The following TMEM52B variants were observed in gnomAD, a reference collection of about 807,000 sequenced individuals.
TMEM52B encodes transmembrane protein 52B, also known as chromosome 12 open reading frame 59.
TMEM52B carries 11 observed loss-of-function variants against 16.1 expected under a neutral mutation model. The observed-to-expected ratio is 0.68, with a 90% CI of 0.43 to 1.13. TMEM52B has a LOEUF of 1.13. Ranked by LOEUF, TMEM52B falls within the 50% of genes most tolerant of loss-of-function variation. TMEM52B has a pLI of 0.00. For synonymous variants in TMEM52B, 101 were observed against 93.8 expected (o/e 1.08, Z -0.45); for missense variants, 243 against 230.4 (o/e 1.05, Z -0.35).
intron 2 of TMEM52B, among the ~76,000 whole-genome samples, chr12:10,183,547 A>C (rs778609057): frequency 7.9e-5 from 12 of 152,240 alleles, no homozygotes; most frequent in Non-Finnish European, 1.8e-4. Flanking sequence ...TTCCTGTATC[A>C]GAAAGAATTA....
Position 10,186,589 on chromosome 12 carries a change from T to G in TMEM52B, c.307T>G (p.Ser103Ala). 2 of 1,572,828 alleles carry G rather than the reference T, an allele frequency of 1.3e-6. No individual in the cohort carries two copies. The highest frequency in any genetic ancestry group is 2.3e-5 in the South Asian group (2 of 86,402). The change falls in exon 4 of 5, where the codon TCT becomes GCT. Residue 103 changes from serine to alanine, a missense_variant and splice_region_variant. By Grantham distance (99) the Ser-to-Ala change is moderately conservative. Coordinates refer to ENST00000543484, the MANE Select transcript of TMEM52B (RefSeq NM_001384896.1). ...CAGCACTCTCCAGAGCACTATCACA[T>G]GTGAGTACACTGAACTTTTAACCTG... ...HDSTLQSTIT[S>A]LQSVFGPAAR...
At position 10,190,338 on chromosome 12, in the gene TMEM52B, T is replaced by G; in HGVS notation, c.*198T>G. 1.5e-6 allele frequency: 1 copy of G among 683,604 alleles called. No homozygotes were observed. The highest frequency in any genetic ancestry group is 2.0e-5 in the South Asian group (1 of 50,544). 42.3% of individuals were successfully genotyped at this position (683,604 alleles called of 1,614,324 possible). ...ATGCTCTAATTGGGAACTCTAATTT[T>G]GTATCCAATGGCCAAAATCTGCAAG... is the stretch of plus-strand genomic sequence containing the variant. On this transcript the variant is annotated 3_prime_UTR_variant, in exon 5 of 5. Coordinates refer to ENST00000543484, the MANE Select transcript of TMEM52B (RefSeq NM_001384896.1).
At position 10,190,948 on chromosome 12, in the gene TMEM52B, G is replaced by A. The variant is rs558891089; in HGVS notation, c.*808G>A. 59 of 152,312 alleles carry A rather than the reference G, an allele frequency of 3.9e-4. No individual in the cohort carries two copies. Among genetic ancestry groups the A allele is most frequent in the African/African-American group, 1.4e-3 (57 of 41,542 alleles). The allele number at this position is 152,312 out of a possible 1,614,324, so 9.4% of individuals were successfully genotyped here. On this transcript the variant is annotated 3_prime_UTR_variant, in exon 5 of 5. Transcript: ENST00000543484. ...CCACAACACCTCTATAGTGACACAC[G>A]CTAGTCTCTAGTGGTGGCCCTCACT... is the stretch of plus-strand genomic sequence containing the variant.
In TMEM52B at chr12:10,191,578, G is replaced by A. The variant is rs895202729; in HGVS notation, c.*1438G>A. 1 of 152,036 alleles carries A rather than the reference G, an allele frequency of 6.6e-6. No individual in the cohort carries two copies. The highest frequency in any genetic ancestry group is 2.4e-5 in the African/African-American group (1 of 41,394). The allele number at this position is 152,036 out of a possible 1,614,324, so 9.4% of individuals were successfully genotyped here. On this transcript the variant is annotated 3_prime_UTR_variant, in exon 5 of 5. Transcript: ENST00000543484. ...ATGGGAAATAATAACACCTCAGAAG[G>A]TTTTTGTGAAGATCAAAGAAGCTAA...
intron 4 of TMEM52B, among the ~76,000 whole-genome samples, chr12:10,188,395 G>T (rs1057272322): frequency 7.3e-5 from 11 of 151,416 alleles, no homozygotes; most frequent in Non-Finnish European, 1.2e-4. Flanking sequence ...GGAGGCGGAG[G>T]TTTCAGTGAG....
intron 4 of TMEM52B, among the ~76,000 whole-genome samples, chr12:10,189,307 G>T (rs1948927627): frequency 6.6e-6 from 1 of 151,846 alleles, no homozygotes; most frequent in Non-Finnish European, 1.5e-5. Flanking sequence ...AAGGGGAAAG[G>T]GCAGGGTTGA....
rs759180769 is a variant in TMEM52B at position 10,182,648 on chromosome 12, C to T, written c.98+55C>T. 20 of 1,495,666 alleles carry T rather than the reference C, an allele frequency of 1.3e-5. No homozygotes were observed. The South Asian group carries it at 2.5e-4, about 19-fold the overall frequency. The allele number at this position is 1,495,666 out of a possible 1,614,324, so 92.6% of individuals were successfully genotyped here. On this transcript the variant is annotated intron_variant, in intron 2 of 4. Transcript: ENST00000543484. ...GAGCAACAGACCAAAACATCACTAC[C>T]CCAAAAGAGAGTCAAGATGTCATTA...
Position 10,190,021 on chromosome 12 carries a change from A to T in TMEM52B, c.433A>T (p.Ser145Cys), listed in dbSNP as rs1448228998. 1 of 1,614,036 alleles carries T rather than the reference A, an allele frequency of 6.2e-7. No homozygotes were observed. The highest frequency in any genetic ancestry group is 1.3e-5 in the African/African-American group (1 of 74,908). ...LPGYEEALHM[S>C]RFTVAMCGQK... ...AGGGTATGAAGAAGCTCTTCACATG[A>T]GTCGCTTCACAGTAGCCATGTGCGG... Residue 145 changes from serine to cysteine, a missense_variant, in exon 5 of 5, where the codon AGT (serine) becomes TGT (cysteine). Coordinates refer to ENST00000543484, the MANE Select transcript of TMEM52B (RefSeq NM_001384896.1).
chr12:10,180,420 A>G (rs1178086391), intron 1 of TMEM52B, among the ~76,000 whole-genome samples: 1 of 152,032 alleles, frequency 6.6e-6, no homozygotes, highest in Non-Finnish European at 1.5e-5. Flanking sequence ...AACAAGCCTG[A>G]AAAGTAGCAT....
chr12:10,178,551 G>A (rs1463626592), upstream of TMEM52B, among the ~76,000 whole-genome samples: 1 of 149,814 alleles, frequency 6.7e-6, no homozygotes, highest in Non-Finnish European at 1.5e-5. Flanking sequence ...AGTATTCTAT[G>A]CTTTTGCATG....
At chr12:10,180,600 A>G (rs1000690907) in intron 1 of TMEM52B, among the ~76,000 whole-genome samples, 1 of 152,076 alleles carries the variant, frequency 6.6e-6, no homozygotes, top group East Asian at 1.9e-4. Flanking sequence ...CTGGCCATTA[A>G]TCCTTTTACA....
chr12:10,173,978 C>T (rs182309173), intron 1 of TMEM52B, among the ~76,000 whole-genome samples: 197 of 152,272 alleles, frequency 1.3e-3, no homozygotes, highest in Middle Eastern at 6.8e-3. Context: ...ATCTCCAGAA[C>T]TTTTCATCTT....
intron 1 of TMEM52B, 165 bp from the exon 2 acceptor site, chr12:10,182,385 A>G: frequency 1.0e-6 from 1 of 985,430 alleles, no homozygotes; most frequent in Non-Finnish European, 1.2e-6. Context: ...AAAAGCCAGC[A>G]AGTATGGGAG....
chr12:10,182,977 A>C (rs12313003), intron 2 of TMEM52B, among the ~76,000 whole-genome samples: 52,132 of 151,988 alleles, frequency 0.34, 10,065 homozygotes, highest in Middle Eastern at 0.48. Flanking sequence ...TATTACTTTA[A>C]ATTGGGAAAG....
At chr12:10,176,428 C>T (rs139928129), upstream of TMEM52B, among the ~76,000 whole-genome samples, 4 of 152,066 alleles carry the variant, frequency 2.6e-5, no homozygotes, top group African/African-American at 7.2e-5. Flanking sequence ...ATGGCAATTA[C>T]GTGTTAGAAA....
At position 10,190,063 on chromosome 12, in the gene TMEM52B, C is replaced by A; in HGVS notation, c.475C>A (p.Leu159Ile). Reference protein sequence around the residue: ...VAMCGQKAPDLPPVPEEKQLP... With the variant: ...VAMCGQKAPDIPPVPEEKQLP... ...CATGTGCGGGCAGAAAGCACCTGATCTACCCCCAGTACCTGAAGAAAAGCA... is the reference window on the plus strand; with the variant it reads ...CATGTGCGGGCAGAAAGCACCTGATATACCCCCAGTACCTGAAGAAAAGCA... The change falls in exon 5 of 5, where the codon CTA becomes ATA. Residue 159 changes from leucine to isoleucine, a missense_variant. Transcript: ENST00000543484. 6.2e-7 allele frequency: 1 copy of A among 1,614,172 alleles called. No individual in the cohort carries two copies. Among genetic ancestry groups the A allele is most frequent in the Non-Finnish European group, 8.5e-7 (1 of 1,180,030 alleles).
At chr12:10,185,809 G>A (rs1286734876) in intron 3 of TMEM52B, among the ~76,000 whole-genome samples, 1 of 152,126 alleles carries the variant, frequency 6.6e-6, no homozygotes, top group Admixed American at 6.6e-5. Context: ...TTGGGAGGCC[G>A]AGACAGTGGA....
Position 10,191,560 on chromosome 12 carries a change from AT to A in TMEM52B, c.*1421del. On this transcript the variant is annotated 3_prime_UTR_variant, in exon 5 of 5. Transcript: ENST00000543484. ...CCGTTTTTTCCCTAAAAAATGGGAAATAATAACACCTCAGAAGGTTTTTGTG... is the reference window on the plus strand; with the variant it reads ...CCGTTTTTTCCCTAAAAAATGGGAAAAATAACACCTCAGAAGGTTTTTGTG... 1 of 152,210 alleles carries A rather than the reference AT, an allele frequency of 6.6e-6. No homozygotes were observed. The highest frequency in any genetic ancestry group is 1.5e-5 in the Non-Finnish European group (1 of 68,044). The allele number at this position is 152,210 out of a possible 1,614,324, so 9.4% of individuals were successfully genotyped here. A position where few individuals can be genotyped will look rare whatever the true frequency, so the allele number is the denominator to read the frequency against.
chr12:10,176,362 C>T (rs1948765516), upstream of TMEM52B, among the ~76,000 whole-genome samples: 1 of 151,516 alleles, frequency 6.6e-6, no homozygotes, highest in South Asian at 2.1e-4. Context: ...ACAAGGAGGT[C>T]ATTAACAGAA....
Sources: gnomAD v4.1 joint callset for allele counts (sites outside exome capture counted in the v4.1 genomes callset) on GRCh38, gnomAD v4.1.1 for gene constraint, MANE v1.5 for transcripts, NCBI Gene and HGNC (gene_info 2026-07-23, HGNC 2026-07-21) for gene names.